Variants in CSMD1 observed in about 807,000 individuals in gnomAD.
The protein encoded by CSMD1 is CUB and Sushi multiple domains 1, also known as CUB and sushi domain-containing protein 1.
Under a neutral mutation model 417.5 loss-of-function variants are expected in CSMD1, and 213 were observed. The ratio of observed to expected loss-of-function variants is 0.51; its 90% CI spans 0.46 to 0.57. CSMD1 has a LOEUF of 0.57. Ranked by LOEUF, CSMD1 falls within the 20% of genes least tolerant of loss-of-function variation. CSMD1 has a pLI of 0.00. For synonymous variants in CSMD1, 2,862 were observed against 1,736.8 expected (o/e 1.65, Z -16.11); for missense variants, 6,923 against 4,529.7 (o/e 1.53, Z -15.17).
chr8:4,130,977 G>T (rs539092162), intron 3 of CSMD1, among the ~76,000 whole-genome samples: 2 of 151,980 alleles, frequency 1.3e-5, no homozygotes, highest in African/African-American at 2.4e-5. Flanking sequence ...TTATACTTTG[G>T]TCTTAAAAGT....
intron 6 of CSMD1, among the ~76,000 whole-genome samples, chr8:3,724,898 G>A (rs1309745265): frequency 1.3e-5 from 2 of 152,126 alleles, no homozygotes; most frequent in African/African-American, 4.8e-5. Context: ...TATTAGATCT[G>A]CCATGGTAAA....
intron 2 of CSMD1, among the ~76,000 whole-genome samples, chr8:4,511,992 G>C (rs1802846552): frequency 6.6e-6 from 1 of 152,046 alleles, no homozygotes; most frequent in African/African-American, 2.4e-5. Context: ...TCCAAAAAAA[G>C]AAAACTGCAG....
At chr8:3,675,076 G>A (rs1049058760) in intron 7 of CSMD1, among the ~76,000 whole-genome samples, 4 of 152,070 alleles carry the variant, frequency 2.6e-5, no homozygotes, top group Non-Finnish European at 2.9e-5. Flanking sequence ...GACGAATACC[G>A]TCGACCATAA....
chr8:3,458,380 A>G (rs1013007464), intron 12 of CSMD1, among the ~76,000 whole-genome samples: 18 of 152,230 alleles, frequency 1.2e-4, no homozygotes, highest in African/African-American at 3.6e-4. Flanking sequence ...TTCATGCAAT[A>G]TAACTCAGAA....
At chr8:4,584,625 G>C (rs139028349) in intron 2 of CSMD1, among the ~76,000 whole-genome samples, 27 of 152,012 alleles carry the variant, frequency 1.8e-4, no homozygotes, top group Admixed American at 1.6e-3. Context: ...TGCAGCTCCG[G>C]GGTCCCAACA....
chr8:3,055,066 C>T (rs764337673), intron 49 of CSMD1, among the ~76,000 whole-genome samples: 6 of 152,148 alleles, frequency 3.9e-5, no homozygotes, highest in African/African-American at 7.2e-5. Flanking sequence ...CTGGAATGTG[C>T]GCAGTGTTCA....
intron 7 of CSMD1, chr8:3,700,650 C>T (rs528034246): frequency 1.3e-5 from 2 of 152,040 alleles, no homozygotes; most frequent in Non-Finnish European, 2.9e-5. Flanking sequence ...TTTTAAGAAA[C>T]GATGTGAGGG....
chr8:3,134,052 C>G (rs545389010), intron 41 of CSMD1, among the ~76,000 whole-genome samples: 44 of 152,166 alleles, frequency 2.9e-4, no homozygotes, highest in African/African-American at 1.0e-3. Context: ...GTGGCAGGCA[C>G]CTGCAGTCCC....
intron 54 of CSMD1, among the ~76,000 whole-genome samples, chr8:2,989,313 TTC>T (rs1196848420): frequency 2.6e-5 from 4 of 152,158 alleles, no homozygotes; most frequent in Non-Finnish European, 5.9e-5. Context: ...TGCATATAAA[TTC>T]TGTGTACTAG....
At chr8:3,638,419 T>C (rs1797147153) in intron 7 of CSMD1, among the ~76,000 whole-genome samples, 1 of 151,728 alleles carries the variant, frequency 6.6e-6, no homozygotes, top group Admixed American at 6.6e-5. Flanking sequence ...GTCCTAGTTT[T>C]GCCCACCGCA....
rs368788340 is a variant in CSMD1 at position 4,907,442 on chromosome 8, C to A, written c.85+86890G>T. ...ACATTGGGCAAAATACATAAATATC[C>A]TAAACCTCAGCATCTGTACCTTTAA... is the stretch of plus-strand genomic sequence containing the variant. On this transcript the variant is annotated intron_variant, in intron 1 of 69. Transcript: ENST00000635120. Among the ~76,000 whole-genome samples the A allele has an allele frequency of 2.6e-5, 4 of 152,276 alleles. No homozygotes were observed. The East Asian group carries it at 5.8e-4, about 22-fold the overall frequency.
chr8:4,983,450 G>T (rs1811005754), intron 1 of CSMD1, among the ~76,000 whole-genome samples: 1 of 152,192 alleles, frequency 6.6e-6, no homozygotes, highest in Non-Finnish European at 1.5e-5. Context: ...GTGCCCTTCA[G>T]TTCTCCAGGA....
chr8:4,501,176 A>G (rs1301448426), intron 2 of CSMD1, among the ~76,000 whole-genome samples: 2 of 152,116 alleles, frequency 1.3e-5, no homozygotes, highest in African/African-American at 2.4e-5. Context: ...GTATGCATAT[A>G]TATGTATGTG....
At chr8:4,753,943 C>A (rs947014321) in intron 1 of CSMD1, among the ~76,000 whole-genome samples, 1 of 152,148 alleles carries the variant, frequency 6.6e-6, no homozygotes, top group Non-Finnish European at 1.5e-5. Flanking sequence ...GCTTTATGTG[C>A]TGCCAATTTA....
In CSMD1 at chr8:3,426,985, G is replaced by A. The variant is rs146350845; in HGVS notation, c.1562-17380C>T. On this transcript the variant is annotated intron_variant, in intron 12 of 69. Transcript: ENST00000635120. ...AAGCAAAGTGCCTTCTTCACAAGGC[G>A]GCATGAAGGAGAGGAATGCAGGGGG... Among the ~76,000 whole-genome samples the A allele has an allele frequency of 7.5e-3, 1,144 of 152,238 alleles. 10 individuals are homozygous for A. Among genetic ancestry groups the A allele is most frequent in the Non-Finnish European group, 0.013 (867 of 68,024 alleles).
intron 12 of CSMD1, among the ~76,000 whole-genome samples, chr8:3,427,381 C>T (rs1813916818): frequency 6.6e-6 from 1 of 152,022 alleles, no homozygotes; most frequent in African/African-American, 2.4e-5. Context: ...AAAAGATGGT[C>T]CCTGTCTCCT....
intron 3 of CSMD1, among the ~76,000 whole-genome samples, chr8:4,357,792 A>AC (rs1166299335): frequency 6.6e-6 from 1 of 152,292 alleles, no homozygotes; most frequent in East Asian, 1.9e-4. Context: ...GGATGGGGAG[A>AC]CAGAGGAGGA....
chr8:3,671,143 G>A (rs954932640), intron 7 of CSMD1, among the ~76,000 whole-genome samples: 2 of 146,632 alleles, frequency 1.4e-5, no homozygotes, highest in Admixed American at 1.4e-4. Context: ...TGGGATATAT[G>A]TATATGGGAT....
chr8:3,586,522 A>G (rs1057139224), intron 8 of CSMD1, among the ~76,000 whole-genome samples: 1 of 152,040 alleles, frequency 6.6e-6, no homozygotes, highest in Non-Finnish European at 1.5e-5. Context: ...GTCATGACTA[A>G]GACAGAATAA....
Sources: gnomAD v4.1 joint callset for allele counts (sites outside exome capture counted in the v4.1 genomes callset) on GRCh38, gnomAD v4.1.1 for gene constraint, MANE v1.5 for transcripts, NCBI Gene and HGNC (gene_info 2026-07-23, HGNC 2026-07-21) for gene names.